The following SLC35F3 variants were observed in gnomAD, a reference collection of about 807,000 sequenced individuals.
SLC35F3 encodes the protein putative thiamine transporter SLC35F3.
In SLC35F3, 25 loss-of-function variants were observed where a neutral mutation model predicts 49.9. The observed-to-expected ratio is 0.50, with a 90% CI of 0.37 to 0.70. The LOEUF (loss-of-function observed/expected upper bound fraction) is 0.70. Ranked by LOEUF, SLC35F3 falls within the 30% of genes least tolerant of loss-of-function variation. The pLI, the probability that SLC35F3 is intolerant of heterozygous loss-of-function variation, is 0.00. For synonymous variants in SLC35F3, 275 were observed against 265.4 expected (o/e 1.04, Z -0.35); for missense variants, 525 against 639.8 (o/e 0.82, Z 1.94).
intron 3 of SLC35F3, among the ~76,000 whole-genome samples, chr1:234,268,131 C>G (rs529293907): frequency 1.3e-5 from 2 of 152,008 alleles, no homozygotes; most frequent in African/African-American, 2.4e-5. Flanking sequence ...TGTAGCGAGC[C>G]GAGATCACGC....
At chr1:234,175,321 C>A (rs1464625486) in intron 2 of SLC35F3, among the ~76,000 whole-genome samples, 1 of 152,198 alleles carries the variant, frequency 6.6e-6, no homozygotes, top group Non-Finnish European at 1.5e-5. Flanking sequence ...AGAAGTAGGA[C>A]AATTAATTTT....
intron 2 of SLC35F3, among the ~76,000 whole-genome samples, chr1:233,930,712 G>T (rs547935409): frequency 7.2e-5 from 11 of 152,250 alleles, no homozygotes; most frequent in Admixed American, 3.3e-4. Flanking sequence ...CATATGTCAT[G>T]TTCATTATAG....
intron 2 of SLC35F3, among the ~76,000 whole-genome samples, chr1:234,161,555 G>A (rs548942922): frequency 5.0e-4 from 76 of 152,278 alleles, no homozygotes; most frequent in African/African-American, 1.7e-3. Context: ...GAGCCCAGGA[G>A]TTTGAGACCA....
intron 3 of SLC35F3, among the ~76,000 whole-genome samples, chr1:234,305,672 C>T (rs1657150666): frequency 6.6e-6 from 1 of 152,118 alleles, no homozygotes; most frequent in Non-Finnish European, 1.5e-5. Context: ...CGTGAGCCAC[C>T]ACCCCCAGCC....
intron 3 of SLC35F3, among the ~76,000 whole-genome samples, chr1:234,276,338 C>T (rs1420908131): frequency 6.6e-6 from 1 of 152,154 alleles, no homozygotes; most frequent in African/African-American, 2.4e-5. Context: ...CAGTGAGACT[C>T]ATTCACCAGA....
At chr1:233,946,523 A>G (rs1397917067) in intron 2 of SLC35F3, among the ~76,000 whole-genome samples, 1 of 152,182 alleles carries the variant, frequency 6.6e-6, no homozygotes, top group African/African-American at 2.4e-5. Context: ...TACTATTGTC[A>G]TTTATAATGT....
At chr1:233,917,936 A>G (rs1249820880) in intron 2 of SLC35F3, among the ~76,000 whole-genome samples, 2 of 152,248 alleles carry the variant, frequency 1.3e-5, no homozygotes, top group Non-Finnish European at 1.5e-5. Context: ...AGTTTTATTC[A>G]GCACTTCCGT....
intron 2 of SLC35F3, among the ~76,000 whole-genome samples, chr1:234,120,584 A>G (rs967222444): frequency 2.0e-5 from 3 of 152,232 alleles, no homozygotes; most frequent in African/African-American, 4.8e-5. Flanking sequence ...GTTACTGTGT[A>G]CATCTGGGGC....
chr1:234,111,990 C>T (rs1025734986), intron 2 of SLC35F3, among the ~76,000 whole-genome samples: 2 of 152,022 alleles, frequency 1.3e-5, no homozygotes, highest in African/African-American at 2.4e-5. Context: ...TAAATGCAGG[C>T]CATGCTTTCG....
intron 2 of SLC35F3, among the ~76,000 whole-genome samples, chr1:234,127,189 A>G (rs934486897): frequency 1.3e-5 from 2 of 152,188 alleles, no homozygotes; most frequent in African/African-American, 4.8e-5. Flanking sequence ...TGAATACTCA[A>G]TGCCCCTGAC....
intron 2 of SLC35F3, among the ~76,000 whole-genome samples, chr1:234,023,166 A>G (rs956111641): frequency 6.6e-6 from 1 of 152,172 alleles, no homozygotes; most frequent in Non-Finnish European, 1.5e-5. Context: ...AGAAAAAGGG[A>G]GAAGACCCAG....
At chr1:234,042,629 C>T (rs1664236987) in intron 2 of SLC35F3, among the ~76,000 whole-genome samples, 1 of 152,104 alleles carries the variant, frequency 6.6e-6, no homozygotes, top group African/African-American at 2.4e-5. Flanking sequence ...AGCAATACAA[C>T]CACAGAGGAT....
At chr1:234,157,142 A>AT (rs375472236) in intron 2 of SLC35F3, among the ~76,000 whole-genome samples, 4 of 152,164 alleles carry the variant, frequency 2.6e-5, no homozygotes, top group African/African-American at 9.7e-5. Flanking sequence ...TAAAACTGTA[A>AT]TTTTTAAGAT....
At chr1:233,924,432 A>G (rs2102789783) in intron 2 of SLC35F3, among the ~76,000 whole-genome samples, 1 of 152,338 alleles carries the variant, frequency 6.6e-6, no homozygotes, top group South Asian at 2.1e-4. Flanking sequence ...TTATTTGCAT[A>G]GAGATGTTTA....
At chr1:234,277,512 A>G (rs1668231447) in intron 3 of SLC35F3, among the ~76,000 whole-genome samples, 1 of 152,242 alleles carries the variant, frequency 6.6e-6, no homozygotes, top group Admixed American at 6.5e-5. Flanking sequence ...ATAGGTAGAA[A>G]AACGTTTTCT....
At chr1:234,210,046 T>G (rs955285242) in intron 2 of SLC35F3, among the ~76,000 whole-genome samples, 3 of 152,102 alleles carry the variant, frequency 2.0e-5, no homozygotes, top group African/African-American at 7.2e-5. Flanking sequence ...AATTGAATCA[T>G]GGGGGCAGGT....
At chr1:233,954,700 A>G (rs2102807073) in intron 2 of SLC35F3, among the ~76,000 whole-genome samples, 1 of 152,284 alleles carries the variant, frequency 6.6e-6, no homozygotes, top group Admixed American at 6.5e-5. Flanking sequence ...CCCCCTGCTG[A>G]GATTAGGACA....
In SLC35F3 at chr1:234,323,437, A is replaced by G; in HGVS notation, c.*194A>G. On this transcript the variant is annotated 3_prime_UTR_variant, in exon 8 of 8. Transcript: ENST00000366618. The surrounding 1 kb of genome is among the most constrained non-coding windows in gnomAD (Gnocchi z 4.5). Reference sequence around the variant, plus strand: ...CACTTAAGGGTACCAATTCAATACAAAAGAGAAAAGAAGAACCTCTCAGTG... The same window carrying G: ...CACTTAAGGGTACCAATTCAATACAGAAGAGAAAAGAAGAACCTCTCAGTG... The G allele has an allele frequency of 6.8e-6, 4 of 585,926 alleles. No homozygotes were observed. In the East Asian group the frequency reaches 1.1e-4, roughly 16 times the overall value. 36.3% of individuals were successfully genotyped at this position (585,926 alleles called of 1,614,324 possible). A position where few individuals can be genotyped will look rare whatever the true frequency, so the allele number is the denominator to read the frequency against.
At chr1:234,049,159 T>G (rs550559865) in intron 2 of SLC35F3, among the ~76,000 whole-genome samples, 1 of 152,200 alleles carries the variant, frequency 6.6e-6, no homozygotes, top group African/African-American at 2.4e-5. Context: ...AATTTTGCAT[T>G]TGAGAAGGAC....
Sources: gnomAD v4.1 joint callset for allele counts (sites outside exome capture counted in the v4.1 genomes callset) on GRCh38, gnomAD v4.1.1 for gene constraint, Gnocchi (gnomAD v3.1) non-coding constraint, MANE v1.5 for transcripts, NCBI Gene and HGNC (gene_info 2026-07-23, HGNC 2026-07-21) for gene names.